Variants in RCN2 observed in about 807,000 individuals in gnomAD.
The protein encoded by RCN2 is reticulocalbin 2.
A neutral mutation model predicts 37.5 loss-of-function variants in RCN2; 23 were observed. The observed-to-expected ratio is 0.61, with a 90% CI of 0.44 to 0.87. The LOEUF (loss-of-function observed/expected upper bound fraction) is 0.87. RCN2 is among the 40% of genes least tolerant of loss of function. The pLI is 0.00. For missense variants in RCN2, 381 were observed against 390.4 expected, an observed-to-expected ratio of 0.98 and a Z score of 0.20; for synonymous variants, 140 against 144.6, an observed-to-expected ratio of 0.97 and a Z score of 0.23.
At chr15:76,942,711 G>A (rs1186962784) in intron 3 of RCN2, 2 of 152,274 alleles carry the variant, frequency 1.3e-5, no homozygotes, top group South Asian at 2.1e-4. Flanking sequence ...GGAGGCTGAG[G>A]CAGGTGGATA....
intron 3 of RCN2, chr15:76,941,997 C>T (rs981085509): frequency 4.5e-6 from 1 of 221,300 alleles, no homozygotes; most frequent in Non-Finnish European, 8.7e-6. Flanking sequence ...CCATGTTAAA[C>T]CTGAACATAA....
chr15:76,943,532 G>T (rs763101513), intron 3 of RCN2: 20 of 380,556 alleles, frequency 5.3e-5, no homozygotes, highest in Non-Finnish European at 9.0e-5. Flanking sequence ...TGACACCACA[G>T]CTAGTAAGTG....
chr15:76,942,171 C>G (rs2075278937), intron 3 of RCN2: 1 of 152,122 alleles, frequency 6.6e-6, no homozygotes, highest in Non-Finnish European at 1.5e-5. Context: ...AGAGGTGAGC[C>G]TCTCCGCTGT....
In RCN2 at chr15:76,949,966, T is replaced by C. The variant is rs1299037497; in HGVS notation, c.*744T>C. On this transcript the variant is annotated 3_prime_UTR_variant, in exon 7 of 7. Transcript: ENST00000394885. ...ATTGAATTTAGCATAGGTTTTGTGG[T>C]ATTGTACATTATCTTGCCTCATCCA... is the stretch of plus-strand genomic sequence containing the variant. The C allele has an allele frequency of 4.3e-3, 660 of 152,776 alleles. 7 individuals carry two copies. The highest frequency in any genetic ancestry group is 0.015 in the African/African-American group (628 of 41,580). The allele number at this position is 152,776 out of a possible 1,614,324, so 9.5% of individuals were successfully genotyped here.
chr15:76,948,676 C>A, intron 6 of RCN2, 124 bp downstream of exon 6: 1 of 900,282 alleles, frequency 1.1e-6, no homozygotes, highest in Non-Finnish European at 1.6e-6. Context: ...GGGATTGATG[C>A]ATTACTATGT....
At position 76,953,032 on chromosome 15, in the gene RCN2, C is replaced by T. The variant is rs1044586550; in HGVS notation, c.*3810C>T. Reference sequence around the variant, plus strand: ...CACTGCAACCTCCACCTCCCAGGTTCAAGCGATTCTCCTGCCTCAGCCTCC... The same window carrying T: ...CACTGCAACCTCCACCTCCCAGGTTTAAGCGATTCTCCTGCCTCAGCCTCC... On this transcript the variant is annotated 3_prime_UTR_variant, in exon 7 of 7. Coordinates refer to ENST00000394885, the MANE Select transcript of RCN2 (RefSeq NM_002902.3). 6.5e-6 allele frequency: 1 copy of T among 152,824 alleles called. No homozygotes were observed. The highest frequency in any genetic ancestry group is 2.4e-5 in the African/African-American group (1 of 41,432). The allele number at this position is 152,824 out of a possible 1,614,324, so 9.5% of individuals were successfully genotyped here. A position where few individuals can be genotyped will look rare whatever the true frequency, so the allele number is the denominator to read the frequency against.
At position 76,953,623 on chromosome 15, in the gene RCN2, T is replaced by TAG. The variant is rs1207694029; in HGVS notation, c.*4401_*4402insAG. ...TTTTTTTTTTTTTTTTTTTTTTTTTTTTGAGACGGAGTCTCGCTCTGTCGC... is the reference window on the plus strand; with the variant it reads ...TTTTTTTTTTTTTTTTTTTTTTTTTTAGTTGAGACGGAGTCTCGCTCTGTCGC... On this transcript the variant is annotated 3_prime_UTR_variant, in exon 7 of 7. Transcript: ENST00000394885. The TAG allele has an allele frequency of 8.4e-6, 1 of 119,728 alleles. No individual in the cohort carries two copies. 7.4% of individuals were successfully genotyped at this position (119,728 alleles called of 1,614,324 possible).
At chr15:76,932,300 C>T (rs751608232) in intron 1 of RCN2, 61 bp from the exon 2 acceptor site, 64 of 1,336,842 alleles carry the variant, frequency 4.8e-5, no homozygotes, top group Non-Finnish European at 6.6e-5. Flanking sequence ...CTGTTTTTCT[C>T]CACCATTTTG....
chr15:76,949,426 A>C lies in RCN2; in HGVS notation c.*204A>C. 1 of 399,578 alleles carries C rather than the reference A, an allele frequency of 2.5e-6. No individual in the cohort carries two copies. Among genetic ancestry groups the C allele is most frequent in the Non-Finnish European group, 4.4e-6 (1 of 226,562 alleles). The allele number at this position is 399,578 out of a possible 1,614,324, so 24.8% of individuals were successfully genotyped here. Reference sequence around the variant, plus strand: ...ATTTCAAAATGTATTGAAGCAACAAAATATTAATATTGTGCCATATGACAA... The same window carrying C: ...ATTTCAAAATGTATTGAAGCAACAACATATTAATATTGTGCCATATGACAA... On this transcript the variant is annotated 3_prime_UTR_variant, in exon 7 of 7. Transcript: ENST00000394885.
chr15:76,931,804 C>G lies in RCN2; in HGVS notation c.-38C>G, dbSNP rs550912225. On this transcript the variant is annotated 5_prime_UTR_variant, in exon 1 of 7. Transcript: ENST00000394885. ...CCGGCCCGGGCCCCCGCCAGCCTCC[C>G]TCCTCGCGTCCCTCGGTGTCCTCCG... 1,289 of 1,201,882 alleles carry G rather than the reference C, an allele frequency of 1.1e-3. 2 individuals carry two copies. The highest frequency in any genetic ancestry group is 1.2e-3 in the Non-Finnish European group (1,193 of 968,596). The allele number at this position is 1,201,882 out of a possible 1,614,324, so 74.5% of individuals were successfully genotyped here. A position where few individuals can be genotyped will look rare whatever the true frequency, so the allele number is the denominator to read the frequency against.
chr15:76,947,669 C>T (rs1375917867), intron 5 of RCN2, 152 bp downstream of exon 5: 9 of 577,816 alleles, frequency 1.6e-5, no homozygotes, highest in Middle Eastern at 2.5e-4. Context: ...ACAAGTTCAA[C>T]AAATGGATTT....
At chr15:76,948,589 T>C in intron 6 of RCN2, 37 bp downstream of exon 6, 1 of 1,469,064 alleles carries the variant, frequency 6.8e-7, no homozygotes, top group Non-Finnish European at 9.1e-7. Context: ...CTCCACCCCC[T>C]CCCCCCGAAT....
At chr15:76,941,846 TG>T (rs2152650790) in intron 3 of RCN2, 1 of 439,734 alleles carries the variant, frequency 2.3e-6, no homozygotes, top group Non-Finnish European at 4.0e-6. Flanking sequence ...GCTCTTCTCC[TG>T]AAACATGGAC....
At chr15:76,947,720 C>T (rs1181253145) in intron 5 of RCN2, 8 of 463,368 alleles carry the variant, frequency 1.7e-5, no homozygotes, top group Non-Finnish European at 2.3e-5. Flanking sequence ...CTTTTACTTC[C>T]GTGTCTAGAG....
rs1231694097 is a variant in RCN2 at position 76,949,086 on chromosome 15, A to G, written c.818A>G (p.Asp273Gly). The change falls in exon 7 of 7, where the codon GAT becomes GGT. Residue 273 changes from aspartate (D) to glycine (G), a missense_variant. Coordinates refer to ENST00000394885, the MANE Select transcript of RCN2 (RefSeq NM_002902.3). ...ATTTTGAAGGCGCTTCATCTAATTG[A>G]TGAAATGGATTTGAATGGTGACAAA... is the stretch of plus-strand genomic sequence containing the variant. ...IAQEEALHLIDEMDLNGDKKL... is the reference protein window; with the variant it reads ...IAQEEALHLIGEMDLNGDKKL... 1 of 1,600,590 alleles carries G rather than the reference A, an allele frequency of 6.2e-7. No individual in the cohort carries two copies. The highest frequency in any genetic ancestry group is 8.5e-7 in the Non-Finnish European group (1 of 1,176,034).
At chr15:76,947,579 C>G in intron 5 of RCN2, 62 bp downstream of exon 5, 1 of 1,062,616 alleles carries the variant, frequency 9.4e-7, no homozygotes, top group East Asian at 2.4e-5. Flanking sequence ...TGAAAGACAG[C>G]CTTGCTCATT....
chr15:76,948,463 G>GATT lies in RCN2; in HGVS notation c.715_717dup (p.Tyr239dup), dbSNP rs1223826129. 1 of 1,610,464 alleles carries GATT rather than the reference G, an allele frequency of 6.2e-7. No homozygotes were observed. Among genetic ancestry groups the GATT allele is most frequent in the Non-Finnish European group, 8.5e-7 (1 of 1,177,922 alleles). On this transcript the variant is annotated inframe_insertion, in exon 6 of 7. Coordinates refer to ENST00000394885, the MANE Select transcript of RCN2 (RefSeq NM_002902.3). ...TGTTGAGAAAGACAGATTCGTGAAT[G>GATT]ATTATGACAAAGATAACGATGGCAG...
At chr15:76,939,483 G>A (rs1057426427) in intron 3 of RCN2, among the ~76,000 whole-genome samples, 1 of 151,986 alleles carries the variant, frequency 6.6e-6, no homozygotes, top group African/African-American at 2.4e-5. Flanking sequence ...TTTTTAAGGG[G>A]AAAATGTATC....
intron 1 of RCN2, 125 bp downstream of exon 1, chr15:76,932,110 G>T: frequency 1.0e-6 from 1 of 959,720 alleles, no homozygotes; most frequent in South Asian, 3.0e-5. Context: ...ATGGGGGCCG[G>T]GCGGCGCGGC....
Sources: gnomAD v4.1 joint callset for allele counts (sites outside exome capture counted in the v4.1 genomes callset) on GRCh38, gnomAD v4.1.1 for gene constraint, MANE v1.5 for transcripts, NCBI Gene and HGNC (gene_info 2026-07-23, HGNC 2026-07-21) for gene names.